Variants in CYP2C19 observed in about 807,000 individuals in gnomAD.
The protein encoded by CYP2C19 is cytochrome P450 family 2 subfamily C member 19, also known as cytochrome P450 2C19.
In CYP2C19, 59 loss-of-function variants were observed where a neutral mutation model predicts 40.9. The observed-to-expected ratio is 1.44, with a 90% confidence interval of 1.17 to 1.79. The LOEUF (loss-of-function observed/expected upper bound fraction) is 1.79, where lower values mean the gene tolerates loss of function less well. Ranked by LOEUF, CYP2C19 falls within the 40% of genes most tolerant of loss-of-function variation. The pLI is 0.00. For missense variants in CYP2C19, 754 were observed against 596.9 expected (o/e 1.26, Z -2.74); for synonymous variants, 253 against 208.7 (o/e 1.21, Z -1.83).
At chr10:94,832,088 A>T (rs1849344066) in intron 6 of CYP2C19, among the ~76,000 whole-genome samples, 1 of 152,192 alleles carries the variant, frequency 6.6e-6, no homozygotes, top group African/African-American at 2.4e-5. Context: ...GTATGTGGCA[A>T]GATATATGAG....
At chr10:94,804,918 C>T (rs1454271068) in intron 5 of CYP2C19, among the ~76,000 whole-genome samples, 1 of 152,098 alleles carries the variant, frequency 6.6e-6, no homozygotes, top group East Asian at 1.9e-4. Flanking sequence ...TTTTTAGTGT[C>T]AGAGTCTTTT....
chr10:94,829,823 A>G (rs991097873), intron 6 of CYP2C19, among the ~76,000 whole-genome samples: 1 of 151,250 alleles, frequency 6.6e-6, no homozygotes, highest in Non-Finnish European at 1.5e-5. Context: ...TGATGTGCAG[A>G]TGGGTTTTTG....
chr10:94,793,651 AC>A (rs1282753936), intron 5 of CYP2C19, among the ~76,000 whole-genome samples: 2 of 152,158 alleles, frequency 1.3e-5, no homozygotes, highest in East Asian at 3.9e-4. Context: ...CCTGGATATC[AC>A]CAGTGGAGGC....
At chr10:94,785,581 G>C (rs1222759668) in intron 5 of CYP2C19, among the ~76,000 whole-genome samples, 1 of 152,128 alleles carries the variant, frequency 6.6e-6, no homozygotes, top group African/African-American at 2.4e-5. Flanking sequence ...AAGTTTTGAA[G>C]TCAGAAACTG....
intron 1 of CYP2C19, among the ~76,000 whole-genome samples, chr10:94,766,569 G>A (rs1228678728): frequency 6.6e-6 from 1 of 152,122 alleles, no homozygotes; most frequent in South Asian, 2.1e-4. Context: ...TTCCATTAAA[G>A]GGGCAAGAAG....
At chr10:94,838,039 C>G (rs1476742572) in intron 6 of CYP2C19, among the ~76,000 whole-genome samples, 2 of 152,158 alleles carry the variant, frequency 1.3e-5, no homozygotes, top group Admixed American at 1.3e-4. Flanking sequence ...TGTCCACTTG[C>G]CTGGTATGCT....
At chr10:94,783,631 A>G (rs369887474) in intron 5 of CYP2C19, among the ~76,000 whole-genome samples, 1 of 152,084 alleles carries the variant, frequency 6.6e-6, no homozygotes, top group African/African-American at 2.4e-5. Context: ...GGGGCTCTCA[A>G]TTCTACTCCA....
At chr10:94,787,889 C>T (rs908249929) in intron 5 of CYP2C19, among the ~76,000 whole-genome samples, 3 of 151,986 alleles carry the variant, frequency 2.0e-5, no homozygotes, top group Non-Finnish European at 4.4e-5. Flanking sequence ...AATAGTTTTT[C>T]CTTATTCTGT....
At chr10:94,815,403 T>A (rs918677501) in intron 5 of CYP2C19, among the ~76,000 whole-genome samples, 2 of 152,242 alleles carry the variant, frequency 1.3e-5, no homozygotes, top group African/African-American at 2.4e-5. Context: ...TAATATGTTT[T>A]TGTATATTGA....
chr10:94,797,141 CTCT>C (rs1200585126), intron 5 of CYP2C19, among the ~76,000 whole-genome samples: 9 of 152,082 alleles, frequency 5.9e-5, no homozygotes, highest in African/African-American at 2.2e-4. Flanking sequence ...TCATAAATAG[CTCT>C]TATTATTTTT....
chr10:94,836,498 T>C (rs1417158907), intron 6 of CYP2C19, among the ~76,000 whole-genome samples: 6 of 152,238 alleles, frequency 3.9e-5, no homozygotes, highest in Non-Finnish European at 2.9e-5. Context: ...CACTTCTGTT[T>C]CAGGTGTCCA....
At chr10:94,791,152 C>T (rs975603092) in intron 5 of CYP2C19, among the ~76,000 whole-genome samples, 5 of 152,064 alleles carry the variant, frequency 3.3e-5, no homozygotes, top group East Asian at 1.9e-4. Flanking sequence ...AGTTTATTTG[C>T]GTAGAGGTGT....
At chr10:94,839,697 A>T (rs372322930) in intron 6 of CYP2C19, among the ~76,000 whole-genome samples, 1 of 152,248 alleles carries the variant, frequency 6.6e-6, no homozygotes, top group Non-Finnish European at 1.5e-5. Flanking sequence ...GAGACCAATT[A>T]TTAGGCAATT....
intron 5 of CYP2C19, among the ~76,000 whole-genome samples, chr10:94,809,191 T>C (rs1848878971): frequency 6.6e-6 from 1 of 152,214 alleles, no homozygotes; most frequent in Non-Finnish European, 1.5e-5. Context: ...ATCAGTGATA[T>C]TGAGCACTTT....
chr10:94,823,894 G>A (rs868353834), intron 6 of CYP2C19, among the ~76,000 whole-genome samples: 1 of 152,156 alleles, frequency 6.6e-6, no homozygotes, highest in Admixed American at 6.6e-5. Context: ...GAGTGTCAGG[G>A]AGGCTGCCTT....
At chr10:94,837,608 A>G (rs2134282746) in intron 6 of CYP2C19, among the ~76,000 whole-genome samples, 1 of 152,320 alleles carries the variant, frequency 6.6e-6, no homozygotes, top group East Asian at 1.9e-4. Context: ...TGGGAGAAGT[A>G]TCTAGTGACT....
intron 5 of CYP2C19, among the ~76,000 whole-genome samples, chr10:94,813,687 A>G (rs906516562): frequency 3.3e-5 from 5 of 151,362 alleles, no homozygotes; most frequent in Admixed American, 6.6e-5. Context: ...GCTGGCAAAC[A>G]GAAGTTCAAG....
At chr10:94,802,483 A>C (rs909621723) in intron 5 of CYP2C19, among the ~76,000 whole-genome samples, 2 of 152,088 alleles carry the variant, frequency 1.3e-5, no homozygotes, top group African/African-American at 4.8e-5. Flanking sequence ...GTGTCTCTGC[A>C]TGTGAGATGG....
chr10:94,783,403 A>C (rs1317097301), intron 5 of CYP2C19, among the ~76,000 whole-genome samples: 2 of 152,010 alleles, frequency 1.3e-5, no homozygotes, highest in Non-Finnish European at 2.9e-5. Context: ...GTGATGGAAA[A>C]GAGTAGGTGG....
Sources: gnomAD v4.1 joint callset for allele counts (sites outside exome capture counted in the v4.1 genomes callset) on GRCh38, gnomAD v4.1.1 for gene constraint, MANE v1.5 for transcripts, NCBI Gene and HGNC (gene_info 2026-07-23, HGNC 2026-07-21) for gene names.